Variants in FER observed in about 807,000 individuals in gnomAD.
The protein encoded by FER is tyrosine-protein kinase Fer.
Under a neutral mutation model 111.0 loss-of-function variants are expected in FER, and 63 were observed. The ratio of observed to expected loss-of-function variants is 0.57; its 90% CI spans 0.46 to 0.70. The LOEUF (loss-of-function observed/expected upper bound fraction) is 0.70, where lower values mean the gene tolerates loss of function less well. Ranked by LOEUF, FER falls within the 30% of genes least tolerant of loss-of-function variation. The pLI, the probability that FER is intolerant of heterozygous loss-of-function variation, is 0.00. For missense variants in FER, 914 were observed against 954.0 expected (o/e 0.96, Z 0.55); for synonymous variants, 327 against 313.9 (o/e 1.04, Z -0.44).
intron 13 of FER, among the ~76,000 whole-genome samples, chr5:108,980,375 GA>G: frequency 6.6e-6 from 1 of 152,024 alleles, no homozygotes; most frequent in East Asian, 1.9e-4. Flanking sequence ...TAAAGACCAA[GA>G]AAATTTACAA....
At chr5:109,005,422 T>C (rs182116689) in intron 13 of FER, among the ~76,000 whole-genome samples, 1 of 152,256 alleles carries the variant, frequency 6.6e-6, no homozygotes, top group Non-Finnish European at 1.5e-5. Flanking sequence ...AACATACTTA[T>C]GTAACACATA....
intron 16 of FER, among the ~76,000 whole-genome samples, chr5:109,086,752 A>T (rs899491644): frequency 6.6e-6 from 1 of 151,222 alleles, no homozygotes; most frequent in Admixed American, 6.6e-5. Context: ...GGTTTCTTTC[A>T]TTCTTGTCTT....
chr5:109,121,354 T>C (rs1276957485), intron 17 of FER, among the ~76,000 whole-genome samples: 1 of 152,166 alleles, frequency 6.6e-6, no homozygotes, highest in Non-Finnish European at 1.5e-5. Context: ...GAAATGATAA[T>C]ATGGTTTTTG....
At chr5:109,139,302 G>T (rs1211807118) in intron 17 of FER, among the ~76,000 whole-genome samples, 1 of 132,656 alleles carries the variant, frequency 7.5e-6, no homozygotes, top group African/African-American at 2.9e-5. Flanking sequence ...CCCCCACCCT[G>T]TACCCCTAAA....
intron 6 of FER, among the ~76,000 whole-genome samples, chr5:108,870,383 G>A (rs1764488624): frequency 1.3e-5 from 2 of 151,968 alleles, no homozygotes; most frequent in Non-Finnish European, 2.9e-5. Flanking sequence ...ATTTACATTA[G>A]CAACATTCAG....
rs574030901 is a variant in FER, at chr5:108,971,262, G to T, written c.1656+11915G>T. Among the ~76,000 whole-genome samples, 3 of 105,274 alleles carry T rather than the reference G, an allele frequency of 2.8e-5. No homozygotes were observed. In the South Asian group the frequency reaches 1.0e-3, roughly 35 times the overall value. 69.1% of individuals were successfully genotyped at this position (105,274 alleles called of 152,430 possible). ...GGGAGGCTGAGATGGAGGATCACTT[G>T]AACCTGTCTCAAAAAAAAAAAAAAA... On this transcript the variant is annotated intron_variant, in intron 13 of 19. Transcript: ENST00000281092.
intron 13 of FER, among the ~76,000 whole-genome samples, chr5:109,009,044 CTTTTTTTTTTT>C (rs1030906789): frequency 2.6e-5 from 3 of 116,014 alleles, no homozygotes; most frequent in South Asian, 3.0e-4. Flanking sequence ...CCTCTTCAGT[CTTTTTTTTTTT>C]TTTTTTTTTT....
In FER at chr5:108,844,117, AAC is replaced by A. The variant is rs1174386046; in HGVS notation, c.481+8314_481+8315del. On this transcript the variant is annotated intron_variant, in intron 5 of 19. Transcript: ENST00000281092. ...ACATATGTGTGTGAACATGTGTGTG[AAC>A]ACATATATGTGTGTGAACATATATG... Among the ~76,000 whole-genome samples, 48 of 93,794 alleles carry A rather than the reference AAC, an allele frequency of 5.1e-4. 1 individual carries two copies. The highest frequency in any genetic ancestry group is 8.9e-4 in the South Asian group (3 of 3,356). The allele number at this position is 93,794 out of a possible 152,430, so 61.5% of individuals were successfully genotyped here. A position where few individuals can be genotyped will look rare whatever the true frequency, so the allele number is the denominator to read the frequency against.
intron 3 of FER, among the ~76,000 whole-genome samples, chr5:108,806,248 G>A (rs1360719519): frequency 6.6e-6 from 1 of 152,202 alleles, no homozygotes; most frequent in African/African-American, 2.4e-5. Context: ...ATTGAGGTTT[G>A]GGAACCTCCT....
chr5:108,808,687 A>T (rs1407074279), intron 3 of FER, among the ~76,000 whole-genome samples: 3 of 152,002 alleles, frequency 2.0e-5, no homozygotes, highest in African/African-American at 7.3e-5. Context: ...TGGTTCCTTT[A>T]TAGGGCCTGT....
intron 13 of FER, among the ~76,000 whole-genome samples, chr5:108,992,349 A>G (rs1225492846): frequency 1.3e-5 from 2 of 152,052 alleles, no homozygotes; most frequent in Admixed American, 1.3e-4. Flanking sequence ...ATTCTACAAA[A>G]CCGCCATTGT....
chr5:108,806,987 C>A (rs1317724184), intron 3 of FER, among the ~76,000 whole-genome samples: 3 of 151,992 alleles, frequency 2.0e-5, no homozygotes, highest in South Asian at 4.2e-4. Flanking sequence ...CTGTGTCCCA[C>A]CCAAAATCTC....
chr5:108,781,905 T>A (rs1028977914), intron 2 of FER, among the ~76,000 whole-genome samples: 2 of 150,250 alleles, frequency 1.3e-5, no homozygotes, highest in African/African-American at 5.0e-5. Flanking sequence ...CCTCCCTCTG[T>A]CAGAAGTAAT....
intron 5 of FER, among the ~76,000 whole-genome samples, chr5:108,863,200 A>C (rs567389254): frequency 6.6e-6 from 1 of 151,902 alleles, no homozygotes; most frequent in African/African-American, 2.4e-5. Flanking sequence ...GTTCACTGCA[A>C]CCTCCGCCTC....
rs181719674 is a variant in FER, at chr5:109,191,423, T to G, written c.*3848T>G. 353 of 152,316 alleles carry G rather than the reference T, an allele frequency of 2.3e-3. 1 individual carries two copies. The highest frequency in any genetic ancestry group is 8.1e-3 in the African/African-American group (336 of 41,586). The allele number at this position is 152,316 out of a possible 1,614,324, so 9.4% of individuals were successfully genotyped here. ...TATACTCCATTTATCATTGATATTT[T>G]AGATGTTTCTTATCAACAAAATTGG... On this transcript the variant is annotated 3_prime_UTR_variant, in exon 20 of 20. Coordinates refer to ENST00000281092, the MANE Select transcript of FER (RefSeq NM_005246.4).
chr5:108,800,483 T>A (rs1032010718), intron 3 of FER, among the ~76,000 whole-genome samples: 3 of 152,142 alleles, frequency 2.0e-5, no homozygotes, highest in Admixed American at 2.0e-4. Context: ...TCTAGGGAGC[T>A]GGGACTATAG....
intron 10 of FER, among the ~76,000 whole-genome samples, chr5:108,906,792 G>A (rs998674131): frequency 6.6e-6 from 1 of 151,800 alleles, no homozygotes; most frequent in Non-Finnish European, 1.5e-5. Flanking sequence ...TTGCTGTTAT[G>A]GAAAATAACA....
chr5:108,816,108 A>G (rs964594641), intron 3 of FER, among the ~76,000 whole-genome samples: 2 of 151,814 alleles, frequency 1.3e-5, no homozygotes, highest in African/African-American at 2.4e-5. Flanking sequence ...ATATACACAC[A>G]TGCTTTAATC....
chr5:109,143,305 C>T (rs548831710), intron 17 of FER, among the ~76,000 whole-genome samples: 2 of 152,228 alleles, frequency 1.3e-5, no homozygotes, highest in Non-Finnish European at 2.9e-5. Flanking sequence ...TGACTCTAGA[C>T]ACATAAATTT....
Sources: allele counts gnomAD v4.1 joint callset (sites outside exome capture counted in the v4.1 genomes callset), GRCh38; gene constraint gnomAD v4.1.1; transcripts MANE v1.5; gene names NCBI Gene and HGNC (gene_info 2026-07-23, HGNC 2026-07-21).